The following NRCAM variants were observed in gnomAD, a reference collection of about 807,000 sequenced individuals.
NRCAM encodes NgCAM-related cell adhesion molecule.
NRCAM carries 83 observed loss-of-function variants against 156.5 expected under a neutral mutation model. The ratio of observed to expected loss-of-function variants is 0.53; its 90% CI spans 0.44 to 0.64. The LOEUF is 0.64. Ranked by LOEUF, NRCAM falls within the 30% of genes least tolerant of loss-of-function variation. The pLI is 0.00. For synonymous variants in NRCAM, 538 were observed against 563.9 expected, an observed-to-expected ratio of 0.95 and a Z score of 0.65; for missense variants, 1,417 against 1,597.3, an observed-to-expected ratio of 0.89 and a Z score of 1.92.
intron 15 of NRCAM, among the ~76,000 whole-genome samples, chr7:108,194,940 T>C (rs2074098566): frequency 6.6e-6 from 1 of 152,102 alleles, no homozygotes; most frequent in Non-Finnish European, 1.5e-5. Context: ...TCGGGTGGCA[T>C]ATGAAAGGGG....
At chr7:108,160,599 T>C in intron 30 of NRCAM, 107 bp from the exon 31 acceptor site, 1 of 843,522 alleles carries the variant, frequency 1.2e-6, no homozygotes, top group Non-Finnish European at 1.7e-6. Context: ...TTTCATATAT[T>C]TTACATGTGG....
In NRCAM at chr7:108,340,112, A is replaced by T. The variant is rs1472707985; in HGVS notation, c.-173-27381T>A. Among the ~76,000 whole-genome samples, 4 of 152,194 alleles carry T rather than the reference A, an allele frequency of 2.6e-5. No homozygotes were observed. In the East Asian group the frequency reaches 7.7e-4, roughly 29 times the overall value. ...AAAGTGTGATTTATGCCCTACAGGAAGCTCTCAGAGTCTACCTCCCTACCC... is the reference window on the plus strand; with the variant it reads ...AAAGTGTGATTTATGCCCTACAGGATGCTCTCAGAGTCTACCTCCCTACCC... On this transcript the variant is annotated intron_variant, in intron 2 of 32. Coordinates refer to ENST00000379028, the MANE Select transcript of NRCAM (RefSeq NM_001037132.4).
At chr7:108,251,111 T>C (rs2096318595) in intron 3 of NRCAM, among the ~76,000 whole-genome samples, 1 of 152,116 alleles carries the variant, frequency 6.6e-6, no homozygotes, top group African/African-American at 2.4e-5. Flanking sequence ...TTCAGTTTAA[T>C]TTTCATGGGC....
intron 1 of NRCAM, among the ~76,000 whole-genome samples, chr7:108,419,248 C>G (rs369805076): frequency 1.3e-5 from 2 of 152,134 alleles, no homozygotes; most frequent in Admixed American, 1.3e-4. Context: ...GTACTGCAGA[C>G]GTTTTATTTT....
At chr7:108,298,489 CA>C (rs34020229) in intron 3 of NRCAM, among the ~76,000 whole-genome samples, 75,360 of 142,866 alleles carry the variant, frequency 0.53, 19,416 homozygotes, top group African/African-American at 0.56. Flanking sequence ...AATAAAAATA[CA>C]AAAAAAAAAA....
At chr7:108,423,779 C>T (rs1813403626) in intron 1 of NRCAM, among the ~76,000 whole-genome samples, 1 of 152,224 alleles carries the variant, frequency 6.6e-6, no homozygotes, top group South Asian at 2.1e-4. Flanking sequence ...TGGGTGATAA[C>T]ACTCAGAGGC....
intron 32 of NRCAM, among the ~76,000 whole-genome samples, chr7:108,158,273 T>G (rs2046733407): frequency 6.6e-6 from 1 of 152,126 alleles, no homozygotes; most frequent in Non-Finnish European, 1.5e-5. Flanking sequence ...TGAGAACTTT[T>G]TGAAACCATA....
intron 11 of NRCAM, among the ~76,000 whole-genome samples, chr7:108,215,389 T>TG (rs1370267539): frequency 6.6e-6 from 1 of 151,420 alleles, no homozygotes; most frequent in East Asian, 1.9e-4. Context: ...ATTTTTTGTA[T>TG]TTTTTTTAGT....
chr7:108,292,275 G>A (rs931584279), intron 3 of NRCAM, among the ~76,000 whole-genome samples: 8 of 152,046 alleles, frequency 5.3e-5, no homozygotes, highest in African/African-American at 1.2e-4. Context: ...TTTCCTAATC[G>A]GTAAAATAAT....
intron 28 of NRCAM, among the ~76,000 whole-genome samples, chr7:108,172,799 C>T (rs918402712): frequency 4.6e-5 from 7 of 152,104 alleles, no homozygotes; most frequent in African/African-American, 1.7e-4. Context: ...GGTTTTCCTT[C>T]AGGTTTATAA....
At chr7:108,431,632 A>G (rs1002631081) in intron 1 of NRCAM, among the ~76,000 whole-genome samples, 1 of 152,060 alleles carries the variant, frequency 6.6e-6, no homozygotes, top group East Asian at 1.9e-4. Flanking sequence ...AAAAAATACA[A>G]AAATTAGCCA....
intron 3 of NRCAM, among the ~76,000 whole-genome samples, chr7:108,250,425 CAAAA>C (rs34274206): frequency 1.5e-5 from 1 of 67,388 alleles, no homozygotes; most frequent in Admixed American, 2.2e-4. Flanking sequence ...CATCTTACCT[CAAAA>C]AAAAAAAAAA....
intron 2 of NRCAM, among the ~76,000 whole-genome samples, chr7:108,386,434 C>A (rs1441795521): frequency 6.6e-6 from 1 of 152,120 alleles, no homozygotes. Flanking sequence ...ATAAATTATT[C>A]TTCAAAGTTG....
At chr7:108,272,913 A>G (rs1328536220) in intron 3 of NRCAM, among the ~76,000 whole-genome samples, 1 of 151,986 alleles carries the variant, frequency 6.6e-6, no homozygotes, top group East Asian at 1.9e-4. Flanking sequence ...CCACCTGCCA[A>G]CAGGCCCTGG....
At position 108,159,205 on chromosome 7, in the gene NRCAM, T is replaced by C. The variant is rs567828348; in HGVS notation, c.3677+258A>G. 119 of 648,312 alleles carry C rather than the reference T, an allele frequency of 1.8e-4. 1 individual carries two copies. Among genetic ancestry groups the C allele is most frequent in the South Asian group, 1.5e-3 (104 of 71,334 alleles). 40.2% of individuals were successfully genotyped at this position (648,312 alleles called of 1,614,324 possible). Reference sequence around the variant, plus strand: ...CTTTGCTAGATTGATCAATACAGCATGGTCCCATGGAAAATATGACAAAGT... The same window carrying C: ...CTTTGCTAGATTGATCAATACAGCACGGTCCCATGGAAAATATGACAAAGT... On this transcript the variant is annotated intron_variant, in intron 32 of 32. Coordinates refer to ENST00000379028, the MANE Select transcript of NRCAM (RefSeq NM_001037132.4).
intron 2 of NRCAM, among the ~76,000 whole-genome samples, chr7:108,329,078 A>G (rs1027409599): frequency 1.3e-5 from 2 of 152,144 alleles, no homozygotes; most frequent in Admixed American, 6.5e-5. Context: ...AATAAATATT[A>G]TAACTATTTT....
At chr7:108,421,073 ACT>A (rs1447294351) in intron 1 of NRCAM, among the ~76,000 whole-genome samples, 1 of 152,170 alleles carries the variant, frequency 6.6e-6, no homozygotes, top group Non-Finnish European at 1.5e-5. Flanking sequence ...CAGAAAAGCA[ACT>A]CTACATAGCC....
chr7:108,160,520 G>A (rs371432753), intron 30 of NRCAM, 28 bp from the exon 31 acceptor site: 57 of 1,609,056 alleles, frequency 3.5e-5, no homozygotes, highest in Non-Finnish European at 4.8e-5. Flanking sequence ...GGTGTTGGTG[G>A]CAATAGGTTA....
At chr7:108,412,971 T>C (rs1797313082) in intron 1 of NRCAM, among the ~76,000 whole-genome samples, 1 of 152,220 alleles carries the variant, frequency 6.6e-6, no homozygotes, top group Non-Finnish European at 1.5e-5. Context: ...GGTTGATCCA[T>C]GTCTTGGCTA....
Sources: gnomAD v4.1 joint callset for allele counts (sites outside exome capture counted in the v4.1 genomes callset) on GRCh38, gnomAD v4.1.1 for gene constraint, MANE v1.5 for transcripts, NCBI Gene and HGNC (gene_info 2026-07-23, HGNC 2026-07-21) for gene names.